The following FOXP1 variants were observed in gnomAD, a reference collection of about 807,000 sequenced individuals.
FOXP1 encodes the protein forkhead box P1, also known as forkhead box protein P1.
FOXP1 carries 15 observed loss-of-function variants against 98.2 expected under a neutral mutation model. The ratio of observed to expected loss-of-function variants is 0.15; its 90% CI spans 0.10 to 0.24. The LOEUF (loss-of-function observed/expected upper bound fraction) is 0.24, where lower values mean the gene tolerates loss of function less well. FOXP1 is among the 10% of genes least tolerant of loss of function. The pLI, the probability that FOXP1 is intolerant of heterozygous loss-of-function variation, is 1.00. For synonymous variants in FOXP1, 371 were observed against 314.5 expected (o/e 1.18, Z -1.90); for missense variants, 633 against 848.5 (o/e 0.75, Z 3.15).
At chr3:71,220,572 ACT>A (rs1448613521) in intron 5 of FOXP1, among the ~76,000 whole-genome samples, 1 of 151,064 alleles carries the variant, frequency 6.6e-6, no homozygotes, top group African/African-American at 2.4e-5. Context: ...ACATAGCAAA[ACT>A]CTGTCTCTAT....
intron 4 of FOXP1, among the ~76,000 whole-genome samples, chr3:71,320,909 T>C (rs1046650868): frequency 6.6e-6 from 1 of 152,176 alleles, no homozygotes; most frequent in Non-Finnish European, 1.5e-5. Flanking sequence ...CTGATATTTA[T>C]GTGAATGACT....
Position 71,475,014 on chromosome 3 carries a change from T to C in FOXP1, c.-168+18412A>G, listed in dbSNP as rs2089698363. On this transcript the variant is annotated intron_variant, in intron 3 of 20. Coordinates refer to ENST00000649528, the MANE Select transcript of FOXP1 (RefSeq NM_001349338.3). ...CCCATCTCTGTTATGCACACTGCCA[T>C]CCGCTGTGTCAGGCAAGCTCAAGTC... is the stretch of plus-strand genomic sequence containing the variant. 2.0e-5 allele frequency among the ~76,000 whole-genome samples: 3 copies of C among 152,184 alleles called. No individual in the cohort carries two copies. The South Asian group carries it at 6.2e-4, about 32-fold the overall frequency.
At chr3:70,976,872 C>T (rs2107296041) in intron 17 of FOXP1, 69 bp downstream of exon 17, 3 of 1,143,724 alleles carry the variant, frequency 2.6e-6, no homozygotes, top group Non-Finnish European at 2.7e-6. Flanking sequence ...AGCACAACTG[C>T]ATTTTATCAA....
At chr3:71,479,473 G>A (rs1482042226) in intron 3 of FOXP1, among the ~76,000 whole-genome samples, 2 of 151,996 alleles carry the variant, frequency 1.3e-5, no homozygotes, top group Non-Finnish European at 1.5e-5. Flanking sequence ...GAGGTCAGGA[G>A]TTCAAGACCA....
chr3:71,454,589 C>G (rs1028477622), intron 3 of FOXP1, among the ~76,000 whole-genome samples: 1 of 152,154 alleles, frequency 6.6e-6, no homozygotes, highest in Non-Finnish European at 1.5e-5. Flanking sequence ...CTACCTTAGA[C>G]ATACTGAACA....
At chr3:71,436,465 G>C (rs1025468111) in intron 3 of FOXP1, among the ~76,000 whole-genome samples, 1 of 115,246 alleles carries the variant, frequency 8.7e-6, no homozygotes, top group Non-Finnish European at 1.9e-5. Context: ...TAACACTGCA[G>C]TCCACATTTC....
At chr3:71,040,080 GGTGTGTGTGT>G (rs111790256) in intron 11 of FOXP1, among the ~76,000 whole-genome samples, 1 of 147,830 alleles carries the variant, frequency 6.8e-6, no homozygotes, top group East Asian at 2.0e-4. Context: ...ACTTGAACAT[GGTGTGTGTGT>G]GTGTGTGTGT....
intron 5 of FOXP1, among the ~76,000 whole-genome samples, chr3:71,277,448 C>A (rs553098364): frequency 3.9e-5 from 6 of 152,116 alleles, no homozygotes; most frequent in Admixed American, 2.0e-4. Context: ...ATTTCTTTAT[C>A]CATTCATGCA....
chr3:71,232,877 C>CCAAAAAAAAAAAAAAAA (rs1553791711), intron 5 of FOXP1, among the ~76,000 whole-genome samples: 1 of 31,420 alleles, frequency 3.2e-5, no homozygotes, highest in African/African-American at 1.1e-4. Context: ...AACTCTGTCT[C>CCAAAAAAAAAAAAAAAA]AAAAAAAAAA....
rs188272931 is a variant in FOXP1 at position 71,047,024 on chromosome 3, C to T, written c.582G>A (p.Gln194=). The stretch of plus-strand genomic sequence containing the variant: ...CTTGGCGCTGCAAAGACAGGAGGTG[C>T]TGCTGCTGTAACTGCTGCATCTGTA... ...QLLQMQQLQQ[Q]HLLSLQRQGL... The change falls in exon 10 of 21, where the codon CAG becomes CAA. Residue 194 remains glutamine, a synonymous_variant. Transcript: ENST00000649528. 1.4e-5 allele frequency: 23 copies of T among 1,614,088 alleles called. No individual in the cohort carries two copies. The Admixed American group carries it at 3.0e-4, about 21-fold the overall frequency.
At chr3:71,279,580 G>C (rs1000934312) in intron 5 of FOXP1, among the ~76,000 whole-genome samples, 1 of 152,092 alleles carries the variant, frequency 6.6e-6, no homozygotes, top group Admixed American at 6.5e-5. Flanking sequence ...CTGTCCTTAG[G>C]AAATAGACAG....
At chr3:71,459,790 T>A (rs922998746) in intron 3 of FOXP1, among the ~76,000 whole-genome samples, 1 of 152,234 alleles carries the variant, frequency 6.6e-6, no homozygotes, top group South Asian at 2.1e-4. Context: ...AGATAATTAA[T>A]CAGTGTGTTA....
chr3:71,116,859 C>T (rs1051218137), intron 6 of FOXP1, among the ~76,000 whole-genome samples: 1 of 152,138 alleles, frequency 6.6e-6, no homozygotes, highest in East Asian at 1.9e-4. Context: ...TACAAATCTC[C>T]ACCATCTATG....
chr3:70,985,779 C>T (rs996959191), intron 14 of FOXP1, among the ~76,000 whole-genome samples: 7 of 151,972 alleles, frequency 4.6e-5, no homozygotes, highest in Non-Finnish European at 5.9e-5. Context: ...CTCACACAGA[C>T]GGCCTATTGT....
rs143948907 is a variant in FOXP1, at chr3:71,053,708, G to A, written c.348C>T (p.Leu116=). The A allele has an allele frequency of 2.5e-6, 4 of 1,613,988 alleles. No individual in the cohort carries two copies. The African/African-American group carries it at 4.0e-5, about 16-fold the overall frequency. ...GCTGAGGGCTCAGCACTTGTTGCTG[G>A]AGGATCTGCTGCATTTGCTGGGGAG... ...VITPQQMQQI[L]QQQVLSPQQL... The change falls in exon 8 of 21, where the codon CTC becomes CTT. Residue 116 remains leucine (L), a synonymous_variant. Coordinates refer to ENST00000649528, the MANE Select transcript of FOXP1 (RefSeq NM_001349338.3).
At chr3:71,299,684 C>T (rs1489777045) in intron 5 of FOXP1, 136 bp downstream of exon 5, 1 of 152,486 alleles carries the variant, frequency 6.6e-6, no homozygotes, top group African/African-American at 2.4e-5. Flanking sequence ...TCCAAAAATA[C>T]ACCACATATG....
chr3:71,185,988 C>T (rs1201125015), intron 6 of FOXP1, among the ~76,000 whole-genome samples: 1 of 152,212 alleles, frequency 6.6e-6, no homozygotes, highest in Non-Finnish European at 1.5e-5. Context: ...ATATACATCT[C>T]TTCTACAGTT....
chr3:71,399,938 T>G (rs2081835999), intron 3 of FOXP1, among the ~76,000 whole-genome samples: 1 of 152,214 alleles, frequency 6.6e-6, no homozygotes, highest in Non-Finnish European at 1.5e-5. Context: ...CACATCAATC[T>G]GTGAATCCCA....
intron 3 of FOXP1, among the ~76,000 whole-genome samples, chr3:71,401,861 C>T (rs1317254012): frequency 2.0e-5 from 3 of 152,178 alleles, no homozygotes; most frequent in Non-Finnish European, 4.4e-5. Flanking sequence ...TACAAGACAC[C>T]GGGGCCCAGG....
Sources: gnomAD v4.1 joint callset for allele counts (sites outside exome capture counted in the v4.1 genomes callset) on GRCh38, gnomAD v4.1.1 for gene constraint, MANE v1.5 for transcripts, NCBI Gene and HGNC (gene_info 2026-07-23, HGNC 2026-07-21) for gene names.